Variants in SPSB1 observed in about 807,000 individuals in gnomAD.
The protein encoded by SPSB1 is SPRY domain-containing SOCS box protein 1.
Under a neutral mutation model 21.2 loss-of-function variants are expected in SPSB1, and 8 were observed. That is an observed-to-expected ratio of 0.38 (90% confidence interval 0.22 to 0.68). The LOEUF (loss-of-function observed/expected upper bound fraction) is 0.68. Ranked by LOEUF, SPSB1 falls within the 30% of genes least tolerant of loss-of-function variation. SPSB1 has a pLI of 0.53. For synonymous variants in SPSB1, 169 were observed against 161.7 expected (o/e 1.05, Z -0.34); for missense variants, 242 against 377.8 (o/e 0.64, Z 2.98).
At position 9,321,273 on chromosome 1, in the gene SPSB1, T is replaced by C. The variant is rs1639718415; in HGVS notation, c.-150+28202T>C. Among the ~76,000 whole-genome samples the C allele has an allele frequency of 6.6e-6, 1 of 152,188 alleles. No homozygotes were observed. Among genetic ancestry groups the C allele is most frequent in the African/African-American group, 2.4e-5 (1 of 41,450 alleles). ...CTGACTCCTTCGAGCGTCGAGTTTC[T>C]GGGTTGATGGCACATCCAGGGTGAA... On this transcript the variant is annotated intron_variant, in intron 1 of 2. Coordinates refer to ENST00000328089, the MANE Select transcript of SPSB1 (RefSeq NM_025106.4). This position sits in a 1 kb window ranked among gnomAD's most constrained non-coding sequence, Gnocchi z 4.8.
intron 1 of SPSB1, among the ~76,000 whole-genome samples, chr1:9,312,642 T>A (rs1639542383): frequency 6.6e-6 from 1 of 152,290 alleles, no homozygotes; most frequent in Admixed American, 6.5e-5. Context: ...CACGGAGTTT[T>A]GTTGGACGAG....
intron 1 of SPSB1, among the ~76,000 whole-genome samples, chr1:9,300,971 G>A (rs1252911677): frequency 1.3e-5 from 2 of 152,256 alleles, no homozygotes; most frequent in Non-Finnish European, 2.9e-5. Context: ...AAAGTGGACA[G>A]CTGCAGCACT....
At chr1:9,308,348 C>T (rs1019915484) in intron 1 of SPSB1, among the ~76,000 whole-genome samples, 1 of 152,156 alleles carries the variant, frequency 6.6e-6, no homozygotes, top group Non-Finnish European at 1.5e-5. Context: ...GCAGTAGGTC[C>T]TGCATACCCA....
intron 1 of SPSB1, among the ~76,000 whole-genome samples, chr1:9,328,582 C>G (rs939008390): frequency 6.6e-6 from 1 of 152,340 alleles, no homozygotes; most frequent in Admixed American, 6.5e-5. Flanking sequence ...ACATCTCGTT[C>G]GGGGTAACCC....
At chr1:9,301,597 A>G (rs1238501405) in intron 1 of SPSB1, among the ~76,000 whole-genome samples, 2 of 152,212 alleles carry the variant, frequency 1.3e-5, no homozygotes, top group Non-Finnish European at 2.9e-5. Flanking sequence ...GACATGAGGT[A>G]TGTGGGTAGG....
At chr1:9,309,796 T>C (rs1639487433) in intron 1 of SPSB1, among the ~76,000 whole-genome samples, 1 of 152,178 alleles carries the variant, frequency 6.6e-6, no homozygotes, top group Non-Finnish European at 1.5e-5. Flanking sequence ...GAGCCAAGAC[T>C]GCACCATTGC....
At chr1:9,366,298 T>C (rs1640570638) in intron 2 of SPSB1, among the ~76,000 whole-genome samples, 1 of 152,198 alleles carries the variant, frequency 6.6e-6, no homozygotes, top group Non-Finnish European at 1.5e-5. Flanking sequence ...TCCAGTTTCC[T>C]GGGGCCTGAG....
In SPSB1 at chr1:9,356,419, C is replaced by T. The variant is rs777482268; in HGVS notation, c.528C>T (p.Ser176=). The T allele has an allele frequency of 1.2e-6, 2 of 1,614,168 alleles. No individual in the cohort carries two copies. Among genetic ancestry groups the T allele is most frequent in the South Asian group, 1.1e-5 (1 of 91,086 alleles). Residue 176 remains serine, a synonymous_variant, in exon 2 of 3, where the codon TCC becomes TCT. Coordinates refer to ENST00000328089, the MANE Select transcript of SPSB1 (RefSeq NM_025106.4). The surrounding 1 kb of genome is among the most constrained non-coding windows in gnomAD (Gnocchi z 7.4). ...EPDETFIVPD[S]FLVALDMDDG... ...ATGAGACATTCATTGTCCCTGACTC[C>T]TTCCTGGTAGCCCTGGACATGGACG... is the stretch of plus-strand genomic sequence containing the variant.
intron 1 of SPSB1, among the ~76,000 whole-genome samples, chr1:9,294,858 G>A (rs1639191743): frequency 6.6e-6 from 1 of 152,118 alleles, no homozygotes; most frequent in African/African-American, 2.4e-5. Flanking sequence ...GTGGTGGAAA[G>A]CCCTGGGCTA....
In SPSB1 at chr1:9,324,825, C is replaced by T. The variant is rs1389141671; in HGVS notation, c.-149-30918C>T. ...TAGAGCCAACACTGGGCCAGACAGT[C>T]GTGTTTGCGACAAGTCTGTTCGCCT... On this transcript the variant is annotated intron_variant, in intron 1 of 2. Transcript: ENST00000328089. The surrounding 1 kb of genome is among the most constrained non-coding windows in gnomAD (Gnocchi z 4.3). Among the ~76,000 whole-genome samples, 1 of 152,210 alleles carries T rather than the reference C, an allele frequency of 6.6e-6. No homozygotes were observed. Among genetic ancestry groups the T allele is most frequent in the Non-Finnish European group, 1.5e-5 (1 of 68,036 alleles).
intron 1 of SPSB1, among the ~76,000 whole-genome samples, chr1:9,342,991 A>G (rs896728821): frequency 2.6e-5 from 4 of 151,698 alleles, no homozygotes; most frequent in Non-Finnish European, 1.5e-5. Flanking sequence ...CCCCATCCAC[A>G]CCCACCCCCT....
chr1:9,326,974 G>T (rs2100489026), intron 1 of SPSB1, among the ~76,000 whole-genome samples: 1 of 152,218 alleles, frequency 6.6e-6, no homozygotes, highest in Non-Finnish European at 1.5e-5. Flanking sequence ...TTCCAGATTG[G>T]AGAGGCACCT....
chr1:9,343,186 G>GT (rs1296265094), intron 1 of SPSB1, among the ~76,000 whole-genome samples: 1 of 152,150 alleles, frequency 6.6e-6, no homozygotes, highest in Non-Finnish European at 1.5e-5. Context: ...TTCCAAAACA[G>GT]TTTCATCACC....
intron 1 of SPSB1, among the ~76,000 whole-genome samples, chr1:9,335,714 C>G (rs1438744670): frequency 6.6e-6 from 1 of 151,350 alleles, no homozygotes; most frequent in African/African-American, 2.4e-5. Flanking sequence ...GCAGGAAGAT[C>G]ACTTGAGCAC....
chr1:9,357,969 A>G (rs899009877), intron 2 of SPSB1, among the ~76,000 whole-genome samples: 15 of 152,154 alleles, frequency 9.9e-5, no homozygotes, highest in African/African-American at 2.7e-4. Context: ...GGGCAGGTTC[A>G]GCTCAGCACC....
chr1:9,309,971 C>G (rs964767748), intron 1 of SPSB1, among the ~76,000 whole-genome samples: 13 of 152,166 alleles, frequency 8.5e-5, no homozygotes, highest in African/African-American at 2.9e-4. Context: ...TATCTGTCTT[C>G]TTGGGGGTTT....
At chr1:9,316,078 G>A (rs979503317) in intron 1 of SPSB1, among the ~76,000 whole-genome samples, 4 of 152,186 alleles carry the variant, frequency 2.6e-5, no homozygotes, top group Non-Finnish European at 5.9e-5. Flanking sequence ...GGTCCGCAGC[G>A]GCACAGTGGT....
At chr1:9,319,537 C>T (rs80174441) in intron 1 of SPSB1, among the ~76,000 whole-genome samples, 2,712 of 152,270 alleles carry the variant, frequency 0.018, 83 homozygotes, top group African/African-American at 0.062. Context: ...CTGTGCTCCC[C>T]GCTGAAGTCG....
At chr1:9,322,563 T>A (rs990592430) in intron 1 of SPSB1, among the ~76,000 whole-genome samples, 4 of 152,064 alleles carry the variant, frequency 2.6e-5, no homozygotes, top group African/African-American at 9.7e-5. Context: ...GGGCTCAGGG[T>A]TCGTAGCTGA....
Sources: allele counts gnomAD v4.1 joint callset (sites outside exome capture counted in the v4.1 genomes callset), GRCh38; gene constraint gnomAD v4.1.1; non-coding constraint Gnocchi (gnomAD v3.1); transcripts MANE v1.5; gene names NCBI Gene and HGNC (gene_info 2026-07-23, HGNC 2026-07-21).